ADGRB3: variants seen among roughly 807,000 people sequenced by gnomAD.
ADGRB3 encodes the protein brain-specific angiogenesis inhibitor 3.
In ADGRB3, 37 loss-of-function variants were observed where a neutral mutation model predicts 193.4. The ratio of observed to expected loss-of-function variants is 0.19; its 90% CI spans 0.15 to 0.25. The LOEUF (loss-of-function observed/expected upper bound fraction) is 0.25, where lower values mean the gene tolerates loss of function less well. Ranked by LOEUF, ADGRB3 falls within the 10% of genes least tolerant of loss-of-function variation. ADGRB3 has a pLI of 1.00. For missense variants in ADGRB3, 1,637 were observed against 1,852.9 expected, an observed-to-expected ratio of 0.88 and a Z score of 2.14; for synonymous variants, 690 against 644.2, an observed-to-expected ratio of 1.07 and a Z score of -1.08.
At chr6:69,029,741 T>A (rs2150292279) in intron 13 of ADGRB3, among the ~76,000 whole-genome samples, 1 of 152,224 alleles carries the variant, frequency 6.6e-6, no homozygotes, top group Non-Finnish European at 1.5e-5. Flanking sequence ...TGGACATGAA[T>A]TGTGAAAGCT....
rs547772293 is a variant in ADGRB3, at chr6:68,789,675, A to G, written c.758-140884A>G. ...TGAGTATCTTTGTGGCATTCTCTGTATTTTCTGAATCTGAATGTTGGCCTG... is the reference window on the plus strand; with the variant it reads ...TGAGTATCTTTGTGGCATTCTCTGTGTTTTCTGAATCTGAATGTTGGCCTG... On this transcript the variant is annotated intron_variant, in intron 3 of 31. Transcript: ENST00000370598. Among the ~76,000 whole-genome samples, 3 of 151,960 alleles carry G rather than the reference A, an allele frequency of 2.0e-5. No individual in the cohort carries two copies. The South Asian group carries it at 6.3e-4, about 32-fold the overall frequency.
At chr6:69,044,027 C>T (rs1361062293) in intron 13 of ADGRB3, among the ~76,000 whole-genome samples, 1 of 151,704 alleles carries the variant, frequency 6.6e-6, no homozygotes, top group Admixed American at 6.6e-5. Context: ...GGCGACAGAG[C>T]GAGACTCCGT....
intron 3 of ADGRB3, among the ~76,000 whole-genome samples, chr6:68,848,924 A>T (rs1768342592): frequency 6.6e-6 from 1 of 152,024 alleles, no homozygotes; most frequent in Admixed American, 6.6e-5. Flanking sequence ...CAATTCAAAG[A>T]CTAACTTAAT....
chr6:69,074,508 G>A (rs1772169382), intron 16 of ADGRB3, among the ~76,000 whole-genome samples: 3 of 151,734 alleles, frequency 2.0e-5, no homozygotes, highest in African/African-American at 7.3e-5. Context: ...ACCTGTGGAA[G>A]GAAGGCAGTG....
intron 17 of ADGRB3, 87 bp downstream of exon 17, chr6:69,076,125 A>G (rs1383096565): frequency 8.5e-7 from 1 of 1,179,400 alleles, no homozygotes; most frequent in Admixed American, 1.9e-5. Context: ...GTTAACAGGA[A>G]TATAAGTCAG....
In ADGRB3 at chr6:69,327,834, G is replaced by C; in HGVS notation, c.2980G>C (p.Val994Leu). 6.2e-7 allele frequency: 1 copy of C among 1,609,610 alleles called. No homozygotes were observed. The highest frequency in any genetic ancestry group is 8.5e-7 in the Non-Finnish European group (1 of 1,176,656). Residue 994 changes from valine to leucine, a missense_variant, in exon 22 of 32, where the codon GTA becomes CTA. Physicochemically the swap from Val to Leu is conservative, Grantham distance 32. Coordinates refer to ENST00000370598, the MANE Select transcript of ADGRB3 (RefSeq NM_001704.3). ...TTTTCTTGCAGGTTTACCAGCATTA[G>C]TAGTGGCCACATCAGTAGGCTTCAC... is the stretch of plus-strand genomic sequence containing the variant. ...LCLGWGLPAL[V>L]VATSVGFTRT...
intron 5 of ADGRB3, among the ~76,000 whole-genome samples, chr6:68,940,871 G>T (rs548839657): frequency 8.0e-4 from 122 of 152,246 alleles, no homozygotes; most frequent in African/African-American, 2.8e-3. Context: ...CAGCCTGGGC[G>T]AGAGTGAGAC....
At chr6:68,745,010 C>T (rs1218644223) in intron 3 of ADGRB3, among the ~76,000 whole-genome samples, 1 of 152,034 alleles carries the variant, frequency 6.6e-6, no homozygotes, top group Non-Finnish European at 1.5e-5. Flanking sequence ...GAAAGTGCCC[C>T]AGGTCTCCTA....
chr6:68,648,916 T>C (rs1333243959), intron 3 of ADGRB3, among the ~76,000 whole-genome samples: 1 of 151,998 alleles, frequency 6.6e-6, no homozygotes, highest in East Asian at 1.9e-4. Flanking sequence ...AGCATTTAAA[T>C]AAAGATTTCA....
chr6:68,795,531 G>T (rs1029349181), intron 3 of ADGRB3, among the ~76,000 whole-genome samples: 4 of 152,046 alleles, frequency 2.6e-5, no homozygotes, highest in African/African-American at 9.7e-5. Flanking sequence ...TGATAAAAAT[G>T]CAAATCTTAA....
At chr6:69,084,166 T>C (rs1182996480) in intron 17 of ADGRB3, among the ~76,000 whole-genome samples, 1 of 152,174 alleles carries the variant, frequency 6.6e-6, no homozygotes, top group East Asian at 1.9e-4. Context: ...GTCTGCTGTC[T>C]GCTTTTCCCT....
chr6:68,772,910 TATATATATATATATATATATATACATAC>T lies in ADGRB3; in HGVS notation c.757+133480_757+133507del, dbSNP rs1562023446. On this transcript the variant is annotated intron_variant, in intron 3 of 31. Transcript: ENST00000370598. ...AAAAAAAAAAATATATATATATATA[TATATATATATATATATATATATACATAC>T]ACACACAAAAATAAAAAATAAAAAT... Among the ~76,000 whole-genome samples the T allele has an allele frequency of 4.4e-3, 212 of 48,258 alleles. 5 individuals carry two copies. The highest frequency in any genetic ancestry group is 0.027 in the African/African-American group (210 of 7,752). 31.7% of individuals were successfully genotyped at this position (48,258 alleles called of 152,430 possible). A position where few individuals can be genotyped will look rare whatever the true frequency, so the allele number is the denominator to read the frequency against.
chr6:69,293,979 A>T (rs540777916), intron 20 of ADGRB3, among the ~76,000 whole-genome samples: 1 of 152,120 alleles, frequency 6.6e-6, no homozygotes, highest in East Asian at 1.9e-4. Context: ...GGTAGCACAA[A>T]TTTTGAGGGT....
At chr6:69,359,810 C>G (rs1218211369) in intron 28 of ADGRB3, among the ~76,000 whole-genome samples, 1 of 151,848 alleles carries the variant, frequency 6.6e-6, no homozygotes, top group East Asian at 1.9e-4. Context: ...GCATGTTGAA[C>G]CAACTTCGCA....
intron 3 of ADGRB3, among the ~76,000 whole-genome samples, chr6:68,755,895 C>T (rs919803710): frequency 3.5e-4 from 54 of 152,122 alleles, no homozygotes; most frequent in Non-Finnish European, 3.1e-4. Context: ...TCTCAACCTT[C>T]TTTGAAGACA....
chr6:69,170,977 A>G (rs1775256623), intron 17 of ADGRB3, among the ~76,000 whole-genome samples: 1 of 152,356 alleles, frequency 6.6e-6, no homozygotes, highest in South Asian at 2.1e-4. Context: ...TCTAGTAGCC[A>G]TACGAAAAGT....
intron 3 of ADGRB3, among the ~76,000 whole-genome samples, chr6:68,723,098 G>T (rs1188873526): frequency 6.6e-6 from 1 of 151,672 alleles, no homozygotes; most frequent in Non-Finnish European, 1.5e-5. Flanking sequence ...ACTTCAGTTT[G>T]TTCTGATTTT....
chr6:68,681,267 T>C (rs1210092922), intron 3 of ADGRB3, among the ~76,000 whole-genome samples: 1 of 152,186 alleles, frequency 6.6e-6, no homozygotes, highest in African/African-American at 2.4e-5. Flanking sequence ...GGGCATCAAA[T>C]TTCAAAATAG....
intron 3 of ADGRB3, among the ~76,000 whole-genome samples, chr6:68,851,169 A>T (rs959275878): frequency 1.3e-5 from 2 of 151,932 alleles, no homozygotes; most frequent in African/African-American, 4.8e-5. Flanking sequence ...ACCTGATACC[A>T]GTTAATTTTT....
Sources: allele counts gnomAD v4.1 joint callset (sites outside exome capture counted in the v4.1 genomes callset), GRCh38; gene constraint gnomAD v4.1.1; transcripts MANE v1.5; gene names NCBI Gene and HGNC (gene_info 2026-07-23, HGNC 2026-07-21).